Variants in CMSS1 observed in about 807,000 individuals in gnomAD.
CMSS1 encodes cms1 ribosomal small subunit homolog, also known as protein CMSS1.
In CMSS1, 33 loss-of-function variants were observed where a neutral mutation model predicts 43.5. The observed-to-expected ratio is 0.76, with a 90% confidence interval of 0.57 to 1.01. CMSS1 has a LOEUF of 1.01. CMSS1 is among the 50% of genes least tolerant of loss of function. CMSS1 has a pLI of 0.00. For missense variants in CMSS1, 313 were observed against 326.4 expected (o/e 0.96, Z 0.32); for synonymous variants, 115 against 117.2 (o/e 0.98, Z 0.12).
At chr3:99,869,629 C>G (rs1008438623) in intron 1 of CMSS1, among the ~76,000 whole-genome samples, 89 of 152,242 alleles carry the variant, frequency 5.8e-4, no homozygotes, top group African/African-American at 2.1e-3. Context: ...TTCTCATGTT[C>G]TCTCTAGGCT....
At chr3:99,927,799 G>C (rs1455014479) in intron 1 of CMSS1, among the ~76,000 whole-genome samples, 3 of 152,104 alleles carry the variant, frequency 2.0e-5, no homozygotes, top group Non-Finnish European at 2.9e-5. Context: ...TGTGGACTGA[G>C]TCCTTGCCTC....
intron 1 of CMSS1, among the ~76,000 whole-genome samples, chr3:100,125,800 T>C (rs1559765589): frequency 1.3e-5 from 2 of 152,174 alleles, no homozygotes; most frequent in Non-Finnish European, 2.9e-5. Flanking sequence ...TTTTTTGGCA[T>C]AAAAGTAAGG....
rs1706333489 is a variant in CMSS1, at chr3:99,898,559, G to A, written c.64+80516G>A. 3 of 155,200 alleles carry A rather than the reference G, an allele frequency of 1.9e-5. No homozygotes were observed. In the Admixed American group the frequency reaches 1.9e-4, roughly 10 times the overall value. 9.6% of individuals were successfully genotyped at this position (155,200 alleles called of 1,614,324 possible). On this transcript the variant is annotated intron_variant, in intron 1 of 9. Coordinates refer to ENST00000421999, the MANE Select transcript of CMSS1 (RefSeq NM_032359.4). Reference sequence around the variant, plus strand: ...AGGTGGGTGGATCACCTGAGGTCAGGGGTTCAAGACTAGCCTGGCCAACAT... The same window carrying A: ...AGGTGGGTGGATCACCTGAGGTCAGAGGTTCAAGACTAGCCTGGCCAACAT...
chr3:100,071,051 A>C (rs1033816791), intron 1 of CMSS1, among the ~76,000 whole-genome samples: 1 of 150,770 alleles, frequency 6.6e-6, no homozygotes, highest in Non-Finnish European at 1.5e-5. Context: ...TTTTTTTAAA[A>C]GAAAGGGGTT....
intron 1 of CMSS1, among the ~76,000 whole-genome samples, chr3:100,036,974 G>C (rs997528748): frequency 1.1e-4 from 17 of 152,110 alleles, no homozygotes; most frequent in Non-Finnish European, 1.5e-5. Context: ...CTTCAAAAAT[G>C]TTAGTATCCT....
At chr3:99,857,183 A>C (rs561063523) in intron 1 of CMSS1, among the ~76,000 whole-genome samples, 1 of 148,436 alleles carries the variant, frequency 6.7e-6, no homozygotes, top group Admixed American at 6.6e-5. Context: ...TCACTATTTA[A>C]GAGGATGCTC....
At chr3:99,914,550 G>T (rs1706892810) in intron 1 of CMSS1, among the ~76,000 whole-genome samples, 1 of 152,068 alleles carries the variant, frequency 6.6e-6, no homozygotes, top group African/African-American at 2.4e-5. Context: ...TGTTTAAATT[G>T]AGGTCAGATT....
At chr3:100,070,246 G>A (rs1371322739) in intron 1 of CMSS1, among the ~76,000 whole-genome samples, 2 of 152,156 alleles carry the variant, frequency 1.3e-5, no homozygotes, top group Non-Finnish European at 2.9e-5. Flanking sequence ...TAGATTTTGT[G>A]GGGAGGTCAG....
At position 100,176,362 on chromosome 3, in the gene CMSS1, T is replaced by A. The variant is rs776658149; in HGVS notation, c.703T>A (p.Phe235Ile). ...LNLSPLKFLVFDWNWRDQKLR... is the reference protein window; with the variant it reads ...LNLSPLKFLVIDWNWRDQKLR... ...TTTGAGCCCCTTAAAATTTCTGGTT[T>A]TTGACTGGAACTGGAGAGATCAGAA... Residue 235 changes from phenylalanine (F) to isoleucine (I), a missense_variant, in exon 9 of 10, where the codon TTT becomes ATT. Physicochemically the swap from Phe to Ile is conservative, Grantham distance 21. Coordinates refer to ENST00000421999, the MANE Select transcript of CMSS1 (RefSeq NM_032359.4). 1.2e-6 allele frequency: 2 copies of A among 1,613,866 alleles called. No homozygotes were observed. The highest frequency in any genetic ancestry group is 1.7e-6 in the Non-Finnish European group (2 of 1,179,790).
intron 2 of CMSS1, among the ~76,000 whole-genome samples, chr3:100,156,919 T>TG (rs1553719126): frequency 1.1e-4 from 17 of 152,092 alleles, no homozygotes; most frequent in African/African-American, 3.9e-4. Flanking sequence ...CTGGCTGTTT[T>TG]TTGTTGTTGT....
intron 1 of CMSS1, among the ~76,000 whole-genome samples, chr3:99,891,276 C>T (rs1706074463): frequency 6.6e-6 from 1 of 152,146 alleles, no homozygotes; most frequent in South Asian, 2.1e-4. Context: ...GGCATTCTGA[C>T]AGTTTAGCTC....
chr3:100,117,878 T>TACACATATATATATATATATAC (rs2066589464), intron 1 of CMSS1, among the ~76,000 whole-genome samples: 11 of 129,080 alleles, frequency 8.5e-5, no homozygotes, highest in South Asian at 2.4e-4. Context: ...TATATATATA[T>TACACATATATATATATATATAC]ACACATACAA....
At chr3:99,979,159 C>T (rs1249333348) in intron 1 of CMSS1, among the ~76,000 whole-genome samples, 1 of 152,190 alleles carries the variant, frequency 6.6e-6, no homozygotes. Flanking sequence ...GATCATTACA[C>T]ACTGTATACC....
intron 1 of CMSS1, among the ~76,000 whole-genome samples, chr3:100,070,865 A>G (rs1178814260): frequency 6.6e-6 from 1 of 152,186 alleles, no homozygotes; most frequent in Non-Finnish European, 1.5e-5. Flanking sequence ...TCCTGACTTC[A>G]GGCGATCTGC....
chr3:99,992,002 ATGTG>A (rs1201211092), intron 1 of CMSS1, among the ~76,000 whole-genome samples: 2 of 149,646 alleles, frequency 1.3e-5, no homozygotes, highest in Non-Finnish European at 3.0e-5. Flanking sequence ...ACGTATATAT[ATGTG>A]TGTGTGTATA....
intron 1 of CMSS1, among the ~76,000 whole-genome samples, chr3:99,941,736 A>G (rs116583534): frequency 0.011 from 1,712 of 152,356 alleles, 18 homozygotes; most frequent in African/African-American, 0.025. Flanking sequence ...GGAGTATTTA[A>G]TAATGTAGGA....
At chr3:99,877,168 ATTAGGG>A (rs1180503114) in intron 1 of CMSS1, among the ~76,000 whole-genome samples, 1 of 152,206 alleles carries the variant, frequency 6.6e-6, no homozygotes, top group Admixed American at 6.5e-5. Context: ...TGCTAAATAA[ATTAGGG>A]ACGTGGCATT....
At chr3:99,818,102 C>T (rs1942358784) in intron 1 of CMSS1, 59 bp downstream of exon 1, 1 of 1,521,238 alleles carries the variant, frequency 6.6e-7, no homozygotes, top group Non-Finnish European at 9.0e-7. Flanking sequence ...CCGTGCGCCT[C>T]AGCCCTGGTC....
intron 1 of CMSS1, chr3:99,848,441 TCA>T (rs761097817): frequency 6.2e-6 from 10 of 1,614,188 alleles, no homozygotes; most frequent in Middle Eastern, 3.3e-4. Flanking sequence ...CTGGCAGGTC[TCA>T]CAGGGCTGGC....
Sources: gnomAD v4.1 joint callset for allele counts (sites outside exome capture counted in the v4.1 genomes callset) on GRCh38, gnomAD v4.1.1 for gene constraint, MANE v1.5 for transcripts, NCBI Gene and HGNC (gene_info 2026-07-23, HGNC 2026-07-21) for gene names.